The following PRPF18 variants were observed in gnomAD, a reference collection of about 807,000 sequenced individuals.
PRPF18 encodes pre-mRNA processing factor 18.
A neutral mutation model predicts 46.5 loss-of-function variants in PRPF18; 38 were observed. That is an observed-to-expected ratio of 0.82 (90% CI 0.63 to 1.07). The LOEUF (loss-of-function observed/expected upper bound fraction) is 1.07. Ranked by LOEUF, PRPF18 falls within the 50% of genes least tolerant of loss-of-function variation. The pLI, the probability that PRPF18 is intolerant of heterozygous loss-of-function variation, is 0.00. For missense variants in PRPF18, 263 were observed against 410.0 expected (o/e 0.64, Z 3.10); for synonymous variants, 152 against 146.7 (o/e 1.04, Z -0.26).
rs779426780 is a variant in PRPF18, at chr10:13,610,107, C to T, written c.432C>T (p.Gly144=). ...IDQQYLNEIV[G]GQEPGEEDTQ... ...AGCAGTACCTCAATGAAATCGTCGG[C>T]GGTCAGGAGCCTGGAGAGGAAGACA... The change falls in exon 5 of 10, where the codon GGC becomes GGT. Residue 144 remains glycine, a synonymous_variant. Transcript: ENST00000378572. 39 of 1,613,528 alleles carry T rather than the reference C, an allele frequency of 2.4e-5. No individual in the cohort carries two copies. Among genetic ancestry groups the T allele is most frequent in the South Asian group, 1.4e-4 (13 of 91,070 alleles).
chr10:13,649,347 C>CCTAA, the PRPF18 span: 8 of 127,538 alleles, frequency 6.3e-5, no homozygotes, highest in East Asian at 2.0e-4. Flanking sequence ...ATGTGAAGAG[C>CCTAA]CTAACTGTTG....
the PRPF18 span, chr10:13,641,171 A>T: frequency 6.6e-6 from 1 of 152,206 alleles, no homozygotes; most frequent in Non-Finnish European, 1.5e-5. Context: ...ATTAAGTCTT[A>T]TAAGGGCAGG....
At chr10:13,591,144 T>C (rs1305131087) in intron 1 of PRPF18, among the ~76,000 whole-genome samples, 1 of 152,212 alleles carries the variant, frequency 6.6e-6, no homozygotes, top group African/African-American at 2.4e-5. Context: ...TCTTGCATGA[T>C]GTAAGGGAAC....
At chr10:13,646,939 G>T in the PRPF18 span, 1 of 967,350 alleles carries the variant, frequency 1.0e-6, no homozygotes, top group Non-Finnish European at 1.2e-6. Flanking sequence ...TGGCTCACAC[G>T]AGGGTCCCGG....
At chr10:13,612,036 T>G (rs1263165524) in intron 6 of PRPF18, among the ~76,000 whole-genome samples, 1 of 151,964 alleles carries the variant, frequency 6.6e-6, no homozygotes. Context: ...CCCACCACCA[T>G]GCTTGGCTAA....
chr10:13,594,350 C>T (rs1564449936), intron 1 of PRPF18, among the ~76,000 whole-genome samples: 1 of 152,174 alleles, frequency 6.6e-6, no homozygotes, highest in Admixed American at 6.5e-5. Context: ...GAAAATTCAT[C>T]CACAGATAAG....
At chr10:13,587,223 G>T (rs1230193643) in intron 1 of PRPF18, 71 bp downstream of exon 1, 1 of 1,491,334 alleles carries the variant, frequency 6.7e-7, no homozygotes, top group East Asian at 2.3e-5. Flanking sequence ...TTGGGGTGAG[G>T]GTGACGATAC....
intron 9 of PRPF18, among the ~76,000 whole-genome samples, chr10:13,628,383 C>T (rs557228865): frequency 2.0e-5 from 3 of 152,246 alleles, no homozygotes; most frequent in Admixed American, 2.0e-4. Flanking sequence ...CCTGCAGATA[C>T]CAAAATCTGG....
the PRPF18 span, chr10:13,643,814 CTTT>C: frequency 6.6e-6 from 1 of 152,622 alleles, no homozygotes; most frequent in Non-Finnish European, 1.5e-5. Context: ...AAGCAGATTT[CTTT>C]TTTTAATTCT....
At chr10:13,607,335 T>C (rs1485053452) in intron 4 of PRPF18, among the ~76,000 whole-genome samples, 1 of 152,252 alleles carries the variant, frequency 6.6e-6, no homozygotes, top group African/African-American at 2.4e-5. Flanking sequence ...GATATACGAA[T>C]ATTTTTTGTG....
At chr10:13,590,772 A>G (rs2079949835) in intron 1 of PRPF18, among the ~76,000 whole-genome samples, 2 of 152,174 alleles carry the variant, frequency 1.3e-5, no homozygotes, top group South Asian at 2.1e-4. Flanking sequence ...TTACATGACT[A>G]TAGGATTATG....
At chr10:13,638,421 G>A in the PRPF18 span, among the ~76,000 whole-genome samples, 7 of 151,762 alleles carry the variant, frequency 4.6e-5, no homozygotes, top group African/African-American at 7.3e-5. Context: ...AAGTTGTTGC[G>A]GGGGAGGGAG....
At chr10:13,588,236 G>A (rs371342197) in intron 1 of PRPF18, among the ~76,000 whole-genome samples, 1 of 151,984 alleles carries the variant, frequency 6.6e-6, no homozygotes, top group African/African-American at 2.4e-5. Context: ...GTGAAACCCC[G>A]TCTCTACTAA....
the PRPF18 span, chr10:13,654,313 C>A: frequency 2.4e-6 from 2 of 818,442 alleles, no homozygotes; most frequent in Admixed American, 1.8e-5. Flanking sequence ...CAGTGATGAA[C>A]CCTCATCATC....
the PRPF18 span, among the ~76,000 whole-genome samples, chr10:13,638,339 T>G: frequency 6.6e-6 from 1 of 151,814 alleles, no homozygotes; most frequent in Non-Finnish European, 1.5e-5. Flanking sequence ...GAAATCATTT[T>G]GTATAAAACA....
chr10:13,623,672 G>A (rs914305478), intron 9 of PRPF18, among the ~76,000 whole-genome samples: 1 of 143,932 alleles, frequency 6.9e-6, no homozygotes, highest in African/African-American at 2.6e-5. Context: ...GCAAATCAAG[G>A]CAAAGAATTG....
At chr10:13,652,222 G>GCAAA in the PRPF18 span, 1 of 553,128 alleles carries the variant, frequency 1.8e-6, no homozygotes, top group South Asian at 2.2e-5. Context: ...TCACATCATA[G>GCAAA]CAAACAGTTT....
In PRPF18 at chr10:13,619,466, A is replaced by T. The variant is rs181710184; in HGVS notation, c.948+2913A>T. On this transcript the variant is annotated intron_variant, in intron 9 of 9. Coordinates refer to ENST00000378572, the MANE Select transcript of PRPF18 (RefSeq NM_003675.4). ...CCCACCTCTTGATGTCTGGAGGCAT[A>T]AAACATTGCCCTTTTTGGCCCTTCT... Among the ~76,000 whole-genome samples, 833 of 152,376 alleles carry T rather than the reference A, an allele frequency of 5.5e-3. 2 individuals are homozygous for T. The highest frequency in any genetic ancestry group is 0.01 in the South Asian group (50 of 4,828).
the PRPF18 span, chr10:13,640,610 AAGACC>A: frequency 6.6e-6 from 1 of 151,588 alleles, no homozygotes; most frequent in Non-Finnish European, 1.5e-5. Context: ...CAGTCTCCTC[AAGACC>A]TATGTCCAAT....
Sources: allele counts gnomAD v4.1 joint callset (sites outside exome capture counted in the v4.1 genomes callset), GRCh38; gene constraint gnomAD v4.1.1; transcripts MANE v1.5; gene names NCBI Gene and HGNC (gene_info 2026-07-23, HGNC 2026-07-21).